The following FMO2 variants were observed in gnomAD, a reference collection of about 807,000 sequenced individuals.
The protein encoded by FMO2 is flavin containing dimethylaniline monoxygenase 2.
In FMO2, 33 loss-of-function variants were observed where a neutral mutation model predicts 41.6. The ratio of observed to expected loss-of-function variants is 0.79; its 90% confidence interval spans 0.60 to 1.06. The LOEUF is 1.06. Ranked by LOEUF, FMO2 falls within the 50% of genes least tolerant of loss-of-function variation. The pLI is 0.00. For synonymous variants in FMO2, 214 were observed against 219.6 expected (o/e 0.97, Z 0.23); for missense variants, 619 against 632.9 (o/e 0.98, Z 0.23).
rs906483334 is a variant in FMO2 at position 171,211,285 on chromosome 1, G to T, written c.*2140G>T. The T allele has an allele frequency of 1.3e-5, 2 of 152,160 alleles. No homozygotes were observed. Among genetic ancestry groups the T allele is most frequent in the Admixed American group, 1.3e-4 (2 of 15,258 alleles). 9.4% of individuals were successfully genotyped at this position (152,160 alleles called of 1,614,324 possible). A position where few individuals can be genotyped will look rare whatever the true frequency, so the allele number is the denominator to read the frequency against. The stretch of plus-strand genomic sequence containing the variant: ...TGGTTGCTTTCAAGCTACAATTGTA[G>T]AGTTGGGTAGTCGCAACAGAATCTC... On this transcript the variant is annotated 3_prime_UTR_variant, in exon 9 of 9. Transcript: ENST00000209929.
At chr1:171,202,007 T>C (rs1658560780) in intron 5 of FMO2, among the ~76,000 whole-genome samples, 1 of 152,152 alleles carries the variant, frequency 6.6e-6, no homozygotes, top group Non-Finnish European at 1.5e-5. Flanking sequence ...CCAAACCATA[T>C]TAGTCATTTA....
rs958238892 is a variant in FMO2 at position 171,211,809 on chromosome 1, T to C, written c.*2664T>C. On this transcript the variant is annotated 3_prime_UTR_variant, in exon 9 of 9. Coordinates refer to ENST00000209929, the MANE Select transcript of FMO2 (RefSeq NM_001460.5). ...ACATCACAATAACTCAGGGAGCTTA[T>C]AGAAGTGAAGATTCCTGAATATAAA... Among the ~76,000 whole-genome samples the C allele has an allele frequency of 1.3e-5, 2 of 152,190 alleles. No homozygotes were observed. Among genetic ancestry groups the C allele is most frequent in the Non-Finnish European group, 2.9e-5 (2 of 68,024 alleles).
intron 2 of FMO2, among the ~76,000 whole-genome samples, chr1:171,188,680 A>T (rs1308710977): frequency 6.6e-6 from 1 of 152,178 alleles, no homozygotes; most frequent in East Asian, 1.9e-4. Context: ...TACCATCCAG[A>T]AGCAATTTTT....
intron 8 of FMO2, 53 bp from the exon 9 acceptor site, chr1:171,208,741 C>T (rs2102018583): frequency 6.4e-7 from 1 of 1,562,602 alleles, no homozygotes. Flanking sequence ...GCCTAATATT[C>T]TAGAAAACTT....
intron 2 of FMO2, among the ~76,000 whole-genome samples, chr1:171,192,799 A>G (rs1361620972): frequency 6.6e-6 from 1 of 151,160 alleles, no homozygotes; most frequent in African/African-American, 2.4e-5. Flanking sequence ...ATTTGATTCT[A>G]TCAGTCTACT....
intron 8 of FMO2, among the ~76,000 whole-genome samples, chr1:171,208,096 T>C: frequency 6.6e-6 from 1 of 152,142 alleles, no homozygotes; most frequent in Non-Finnish European, 1.5e-5. Context: ...ATTCCATAAC[T>C]TCTCAAGCCA....
chr1:171,198,391 T>G (rs1386141770), intron 4 of FMO2, among the ~76,000 whole-genome samples: 1 of 151,488 alleles, frequency 6.6e-6, no homozygotes, highest in East Asian at 1.9e-4. Context: ...AAGAAATATT[T>G]AAGAGTATCT....
At position 171,199,365 on chromosome 1, in the gene FMO2, C is replaced by T; in HGVS notation, c.504C>T (p.Gly168=). ...CTGAAGGTATGGAGAGGTTCAAAGG[C>T]CAATATTTCCATAGCCGCCAATACA... The part of the protein sequence containing the change: ...KSFPGMERFK[G]QYFHSRQYKH... Residue 168 remains glycine (G), a synonymous_variant, in exon 5 of 9, where the codon GGC becomes GGT. Coordinates refer to ENST00000209929, the MANE Select transcript of FMO2 (RefSeq NM_001460.5). 6.2e-7 allele frequency: 1 copy of T among 1,608,760 alleles called. No individual in the cohort carries two copies. The highest frequency in any genetic ancestry group is 8.5e-7 in the Non-Finnish European group (1 of 1,177,658).
At position 171,205,495 on chromosome 1, in the gene FMO2, T is replaced by A. The variant is rs1165224235; in HGVS notation, c.1044T>A (p.Asn348Lys). The change falls in exon 7 of 9, where the codon AAT (asparagine) becomes AAA (lysine). Residue 348 changes from asparagine to lysine, a missense_variant. Physicochemically the swap from Asn to Lys is moderately conservative, Grantham distance 94. Coordinates refer to ENST00000209929, the MANE Select transcript of FMO2 (RefSeq NM_001460.5). ...ATTCACTCGTTAAAGTAGAGAATAATATGGTCTCACTGTATAAATACATAT... is the reference window on the plus strand; with the variant it reads ...ATTCACTCGTTAAAGTAGAGAATAAAATGGTCTCACTGTATAAATACATAT... ...LEDSLVKVEN[N>K]MVSLYKYIFP... 6.2e-7 allele frequency: 1 copy of A among 1,613,882 alleles called. No homozygotes were observed. Among genetic ancestry groups the A allele is most frequent in the East Asian group, 2.2e-5 (1 of 44,872 alleles).
At chr1:171,193,301 T>C (rs1658161420) in intron 2 of FMO2, 34 bp from the exon 3 acceptor site, 2 of 1,535,946 alleles carry the variant, frequency 1.3e-6, no homozygotes, top group Non-Finnish European at 1.8e-6. Flanking sequence ...TTTGAATGCG[T>C]AATTATCACT....
At chr1:171,185,908 A>C in intron 2 of FMO2, 63 bp downstream of exon 2, 4 of 1,498,534 alleles carry the variant, frequency 2.7e-6, no homozygotes, top group Non-Finnish European at 3.7e-6. Flanking sequence ...AATCACAGTT[A>C]CTGATGGGTC....
At chr1:171,190,976 C>A (rs28369829) in intron 2 of FMO2, among the ~76,000 whole-genome samples, 17,775 of 151,904 alleles carry the variant, frequency 0.12, 1,175 homozygotes, top group African/African-American at 0.17. Context: ...AGAAACCCCA[C>A]CTCTACTAAA....
chr1:171,197,114 G>A (rs190820610), intron 4 of FMO2, among the ~76,000 whole-genome samples: 71 of 152,208 alleles, frequency 4.7e-4, no homozygotes, highest in African/African-American at 1.5e-3. Flanking sequence ...ATGTGCCTGC[G>A]TTGGCCTTTT....
chr1:171,204,180 AAT>A, intron 6 of FMO2, 116 bp downstream of exon 6: 2 of 714,424 alleles, frequency 2.8e-6, no homozygotes, highest in Non-Finnish European at 4.9e-6. Context: ...ACAATCTAAC[AAT>A]ATGAGTATCT....
chr1:171,208,155 T>A (rs1427239644), intron 8 of FMO2, among the ~76,000 whole-genome samples: 2 of 152,150 alleles, frequency 1.3e-5, no homozygotes. Flanking sequence ...GTGGTGGTGA[T>A]AGTAGCTTGA....
At chr1:171,196,862 T>C in intron 4 of FMO2, 51 bp downstream of exon 4, 1 of 1,550,956 alleles carries the variant, frequency 6.4e-7, no homozygotes, top group South Asian at 1.2e-5. Flanking sequence ...CCAGGTACTT[T>C]ATATGTAGTT....
rs6661174 is a variant in FMO2, at chr1:171,208,951, C to T, written c.1414C>T (p.Gln472Ter). The change falls in exon 9 of 9, where the codon CAG (glutamine) becomes TAG (stop). Residue 472 changes from glutamine to a stop codon, truncating the protein, a stop_gained. Coordinates refer to ENST00000209929, the MANE Select transcript of FMO2 (RefSeq NM_001460.5). LOFTEE classifies it low-confidence loss of function (END_TRUNC). ...CTATTTCGGACCCTGCAACTCCTAT[C>T]AGTATCGCCTGGTTGGGCCTGGGCA... Reference protein sequence around the residue: ...RLYFGPCNSYQYRLVGPGQWE... With the variant: ...RLYFGPCNSY 1,601,136 of 1,613,588 alleles carry T rather than the reference C, an allele frequency of 0.99. 794,999 individuals are homozygous for T. Among genetic ancestry groups the T allele is most frequent in the East Asian group, 1 (44,839 of 44,840 alleles).
rs1658865366 is a variant in FMO2, at chr1:171,208,823, A to G, written c.1286A>G (p.Gln429Arg). The change falls in exon 9 of 9, where the codon CAG (glutamine) becomes CGG (arginine). Residue 429 changes from glutamine (Q) to arginine (R), a missense_variant. By Grantham distance (43) the Gln-to-Arg change is conservative. Transcript: ENST00000209929. ...GGAGAAAGCCAGAGCCAGACGTTGCAGACCAATTATGTTGACTACTTGGAC... is the reference window on the plus strand; with the variant it reads ...GGAGAAAGCCAGAGCCAGACGTTGCGGACCAATTATGTTGACTACTTGGAC... ...LFGESQSQTL[Q>R]TNYVDYLDEL... is the part of the protein sequence containing the mutation. 6.2e-7 allele frequency: 1 copy of G among 1,613,874 alleles called. No individual in the cohort carries two copies. The highest frequency in any genetic ancestry group is 8.5e-7 in the Non-Finnish European group (1 of 1,179,888).
chr1:171,208,066 G>T (rs2075990), intron 8 of FMO2, among the ~76,000 whole-genome samples: 88,644 of 152,066 alleles, frequency 0.58, 28,337 homozygotes, highest in African/African-American at 0.85. Context: ...CATTTCAGTT[G>T]TATATGATGC....
Sources: allele counts gnomAD v4.1 joint callset (sites outside exome capture counted in the v4.1 genomes callset), GRCh38; gene constraint gnomAD v4.1.1; transcripts MANE v1.5; gene names NCBI Gene and HGNC (gene_info 2026-07-23, HGNC 2026-07-21).